The following C1QL3 variants were observed in gnomAD, a reference collection of about 807,000 sequenced individuals.
C1QL3 encodes the protein complement C1q like 3.
In C1QL3, 4 loss-of-function variants were observed where a neutral mutation model predicts 16.6. The ratio of observed to expected loss-of-function variants is 0.24; its 90% CI spans 0.12 to 0.55. The LOEUF is 0.55. C1QL3 is among the 20% of genes least tolerant of loss of function. The pLI, the probability that C1QL3 is intolerant of heterozygous loss-of-function variation, is 0.94. For synonymous variants in C1QL3, 189 were observed against 160.2 expected (o/e 1.18, Z -1.36); for missense variants, 269 against 365.6 (o/e 0.74, Z 2.16).
At chr10:16,515,172 T>C (rs1564416799) in intron 1 of C1QL3, among the ~76,000 whole-genome samples, 1 of 151,384 alleles carries the variant, frequency 6.6e-6, no homozygotes, top group Non-Finnish European at 1.5e-5. Flanking sequence ...AATTGAGGTA[T>C]GTAATAGCTA....
Position 16,514,705 on chromosome 10 carries a change from C to G in C1QL3, c.591G>C (p.Val197=), listed in dbSNP as rs766554141. The change falls in exon 2 of 2, where the codon GTG becomes GTC. Residue 197 remains valine, a splice_region_variant and synonymous_variant. Coordinates refer to ENST00000298943, the MANE Select transcript of C1QL3 (RefSeq NM_001010908.2). Reference sequence around the variant, plus strand: ...CATCTTGGGCAATTGCACTAGCACGCACCTATGTGAAACAGACAAGAATTA... The same window carrying G: ...CATCTTGGGCAATTGCACTAGCACGGACCTATGTGAAACAGACAAGAATTA... ...MWADLCKNNQ[V]RASAIAQDAD... The G allele has an allele frequency of 6.2e-7, 1 of 1,608,680 alleles. No individual in the cohort carries two copies. Among genetic ancestry groups the G allele is most frequent in the Non-Finnish European group, 8.5e-7 (1 of 1,177,794 alleles).
At position 16,514,137 on chromosome 10, in the gene C1QL3, A is replaced by T. The variant is rs1836910612; in HGVS notation, c.*391T>A. On this transcript the variant is annotated 3_prime_UTR_variant, in exon 2 of 2. Coordinates refer to ENST00000298943, the MANE Select transcript of C1QL3 (RefSeq NM_001010908.2). Reference sequence around the variant, plus strand: ...ATGGACTCCAAGTATCATAATAAGCAGGTAAACTCACAAGAACCAAAGCTG... The same window carrying T: ...ATGGACTCCAAGTATCATAATAAGCTGGTAAACTCACAAGAACCAAAGCTG... The T allele has an allele frequency of 2.5e-6, 1 of 397,848 alleles. No homozygotes were observed. Among genetic ancestry groups the T allele is most frequent in the Non-Finnish European group, 4.4e-6 (1 of 225,758 alleles). 24.6% of individuals were successfully genotyped at this position (397,848 alleles called of 1,614,324 possible).
chr10:16,520,212 C>T lies in C1QL3; in HGVS notation c.588+266G>A, dbSNP rs3740174. On this transcript the variant is annotated intron_variant, in intron 1 of 1. Coordinates refer to ENST00000298943, the MANE Select transcript of C1QL3 (RefSeq NM_001010908.2). The surrounding 1 kb of genome is among the most constrained non-coding windows in gnomAD (Gnocchi z 8.3). Reference sequence around the variant, plus strand: ...GGACCCAGCTCCCGGCTTCCCGCCCCTCGAGGGTCGCGCTCGCAGGGGCGC... The same window carrying T: ...GGACCCAGCTCCCGGCTTCCCGCCCTTCGAGGGTCGCGCTCGCAGGGGCGC... 0.37 allele frequency among the ~76,000 whole-genome samples: 55,831 copies of T among 151,934 alleles called. 10,423 individuals carry two copies. The highest frequency in any genetic ancestry group is 0.48 in the South Asian group (2,328 of 4,824).
intron 1 of C1QL3, among the ~76,000 whole-genome samples, chr10:16,518,918 T>C (rs1836992714): frequency 6.6e-6 from 1 of 152,106 alleles, no homozygotes; most frequent in African/African-American, 2.4e-5. Context: ...CTGCCCGTTT[T>C]AGCCATTTGC....
intron 1 of C1QL3, 105 bp from the exon 2 acceptor site, chr10:16,514,812 A>G: frequency 1.2e-6 from 1 of 801,620 alleles, no homozygotes; most frequent in Non-Finnish European, 2.0e-6. Context: ...ATAGTACAGA[A>G]TTTAGCATAG....
intron 1 of C1QL3, among the ~76,000 whole-genome samples, chr10:16,518,860 G>A (rs572656013): frequency 6.6e-6 from 1 of 152,144 alleles, no homozygotes; most frequent in South Asian, 2.1e-4. Context: ...CTGTTCATAA[G>A]CCTTTTTGTG....
At chr10:16,516,738 A>T (rs1836957551) in intron 1 of C1QL3, among the ~76,000 whole-genome samples, 1 of 152,228 alleles carries the variant, frequency 6.6e-6, no homozygotes, top group Admixed American at 6.5e-5. Context: ...AAACCGAGTG[A>T]ACGTCACCAT....
At chr10:16,517,047 A>G (rs943234007) in intron 1 of C1QL3, among the ~76,000 whole-genome samples, 5 of 152,174 alleles carry the variant, frequency 3.3e-5, no homozygotes, top group African/African-American at 4.8e-5. Context: ...CAGTGACTTC[A>G]ACAATTCTTT....
intron 1 of C1QL3, among the ~76,000 whole-genome samples, chr10:16,519,414 G>T (rs781665631): frequency 2.1e-5 from 3 of 143,148 alleles, no homozygotes; most frequent in South Asian, 4.2e-4. Context: ...AGCCCACACC[G>T]CAGGCTGCAG....
rs1837020702 is a variant in C1QL3, at chr10:16,520,337, C to A, written c.588+141G>T. The A allele has an allele frequency of 3.1e-6, 2 of 644,724 alleles. No homozygotes were observed. Among genetic ancestry groups the A allele is most frequent in the African/African-American group, 3.9e-5 (2 of 51,494 alleles). 39.9% of individuals were successfully genotyped at this position (644,724 alleles called of 1,614,324 possible). A position where few individuals can be genotyped will look rare whatever the true frequency, so the allele number is the denominator to read the frequency against. Reference sequence around the variant, plus strand: ...CGCCTCTCCAGGGTGGGACGGCGTCCCCCCTTGCCGTCGCTCCAGGGAGCC... The same window carrying A: ...CGCCTCTCCAGGGTGGGACGGCGTCACCCCTTGCCGTCGCTCCAGGGAGCC... On this transcript the variant is annotated intron_variant, in intron 1 of 1. Coordinates refer to ENST00000298943, the MANE Select transcript of C1QL3 (RefSeq NM_001010908.2). The surrounding 1 kb of genome is among the most constrained non-coding windows in gnomAD (Gnocchi z 8.3).
At chr10:16,518,421 A>T (rs1042634474) in intron 1 of C1QL3, among the ~76,000 whole-genome samples, 23 of 152,236 alleles carry the variant, frequency 1.5e-4, no homozygotes, top group Non-Finnish European at 5.9e-5. Flanking sequence ...CTTATACATT[A>T]TAAGGTCAGC....
rs1837041192 is a variant in C1QL3, at chr10:16,521,355, T to C, written c.-290A>G. ...CCCGGGGTGGGGGCCGGGGGAGGGG[T>C]GCGCGGGGCGCCCTCGCCCCCCGCG... On this transcript the variant is annotated 5_prime_UTR_variant, in exon 1 of 2. Transcript: ENST00000298943. 1 of 271,574 alleles carries C rather than the reference T, an allele frequency of 3.7e-6. No individual in the cohort carries two copies. The highest frequency in any genetic ancestry group is 2.3e-5 in the African/African-American group (1 of 44,108). 16.8% of individuals were successfully genotyped at this position (271,574 alleles called of 1,614,324 possible).
At chr10:16,516,310 A>G (rs1208589096) in intron 1 of C1QL3, among the ~76,000 whole-genome samples, 1 of 152,092 alleles carries the variant, frequency 6.6e-6, no homozygotes, top group Non-Finnish European at 1.5e-5. Flanking sequence ...ACTTCATAAT[A>G]TTTTCTAAAG....
rs541527618 is a variant in C1QL3 at position 16,521,021 on chromosome 10, C to A, written c.45G>T (p.Ser15=). ...TCTCGTAGTGCGCCGACGTGCCGGCCGAGCTCACCAGCACCGGGATGAGGA... is the reference window on the plus strand; with the variant it reads ...TCTCGTAGTGCGCCGACGTGCCGGCAGAGCTCACCAGCACCGGGATGAGGA... ...LVILIPVLVS[S]AGTSAHYEML... Residue 15 remains serine, a synonymous_variant, in exon 1 of 2, where the codon TCG becomes TCT. Transcript: ENST00000298943. 32 of 1,600,470 alleles carry A rather than the reference C, an allele frequency of 2.0e-5. No homozygotes were observed. In the East Asian group the frequency reaches 7.2e-4, roughly 36 times the overall value.
chr10:16,520,465 C>CCCCCCCCG lies in C1QL3; in HGVS notation c.588+12_588+13insCGGGGGGG. 6.5e-7 allele frequency: 1 copy of CCCCCCCCG among 1,527,440 alleles called. No homozygotes were observed. Among genetic ancestry groups the CCCCCCCCG allele is most frequent in the Non-Finnish European group, 8.9e-7 (1 of 1,126,928 alleles). The allele number at this position is 1,527,440 out of a possible 1,614,324, so 94.6% of individuals were successfully genotyped here. On this transcript the variant is annotated intron_variant, in intron 1 of 1. Transcript: ENST00000298943. The surrounding 1 kb of genome is among the most constrained non-coding windows in gnomAD (Gnocchi z 8.3). Reference sequence around the variant, plus strand: ...CTCCCTCCCCGCCCTCCCCGCCGCCCGCCCGCGCTCACCTGGTTGTTTTTG... The same window carrying CCCCCCCCG: ...CTCCCTCCCCGCCCTCCCCGCCGCCCCCCCCCCGGCCCGCGCTCACCTGGTTGTTTTTG...
chr10:16,517,049 C>T (rs1255849081), intron 1 of C1QL3, among the ~76,000 whole-genome samples: 1 of 152,130 alleles, frequency 6.6e-6, no homozygotes, highest in Non-Finnish European at 1.5e-5. Context: ...GTGACTTCAA[C>T]AATTCTTTCA....
intron 1 of C1QL3, among the ~76,000 whole-genome samples, chr10:16,515,622 A>G (rs1216612300): frequency 6.6e-6 from 1 of 152,176 alleles, no homozygotes; most frequent in Non-Finnish European, 1.5e-5. Context: ...GTTGATAGAC[A>G]TTTACAAACA....
In C1QL3 at chr10:16,514,131, A is replaced by G; in HGVS notation, c.*397T>C. 2.5e-6 allele frequency: 1 copy of G among 397,148 alleles called. No homozygotes were observed. Among genetic ancestry groups the G allele is most frequent in the African/African-American group, 2.1e-5 (1 of 48,672 alleles). 24.6% of individuals were successfully genotyped at this position (397,148 alleles called of 1,614,324 possible). On this transcript the variant is annotated 3_prime_UTR_variant, in exon 2 of 2. Coordinates refer to ENST00000298943, the MANE Select transcript of C1QL3 (RefSeq NM_001010908.2). ...CTATGAATGGACTCCAAGTATCATA[A>G]TAAGCAGGTAAACTCACAAGAACCA...
In C1QL3 at chr10:16,521,744, C is replaced by CGGT. The variant is rs1260869690; in HGVS notation, c.-682_-680dup. The CGGT allele has an allele frequency of 6.5e-6, 1 of 153,468 alleles. No homozygotes were observed. The highest frequency in any genetic ancestry group is 2.4e-5 in the African/African-American group (1 of 41,418). The allele number at this position is 153,468 out of a possible 1,614,324, so 9.5% of individuals were successfully genotyped here. On this transcript the variant is annotated 5_prime_UTR_variant, in exon 1 of 2. Coordinates refer to ENST00000298943, the MANE Select transcript of C1QL3 (RefSeq NM_001010908.2). ...CGCCCAGCGGCGGCGGCGGCGGGCA[C>CGGT]GGTCGGCACGGCGAGGCTCAGAGCT...
Sources: allele counts gnomAD v4.1 joint callset (sites outside exome capture counted in the v4.1 genomes callset), GRCh38; gene constraint gnomAD v4.1.1; non-coding constraint Gnocchi (gnomAD v3.1); transcripts MANE v1.5; gene names NCBI Gene and HGNC (gene_info 2026-07-23, HGNC 2026-07-21).